Variants in NPR2 observed in about 807,000 individuals in gnomAD.
NPR2 encodes the protein atrial natriuretic peptide receptor 2.
In NPR2, 49 loss-of-function variants were observed where a neutral mutation model predicts 120.7. The observed-to-expected ratio is 0.41, with a 90% CI of 0.32 to 0.52. The LOEUF is 0.52. Among genes scored for constraint, NPR2 ranks in the 20% least tolerant of loss-of-function variants. NPR2 has a pLI of 0.36. For synonymous variants in NPR2, 484 were observed against 519.8 expected (o/e 0.93, Z 0.94); for missense variants, 931 against 1,362.9 (o/e 0.68, Z 4.99).
At chr9:35,807,288 T>C (rs1424230022) in intron 17 of NPR2, 42 bp from the exon 18 acceptor site, 1 of 1,554,874 alleles carries the variant, frequency 6.4e-7, no homozygotes, top group Non-Finnish European at 8.9e-7. Context: ...CTTAGAAAAT[T>C]GGGCACAAGT....
Position 35,793,052 on chromosome 9 carries a change from A to G in NPR2, c.644A>G (p.His215Arg). 2 of 1,602,528 alleles carry G rather than the reference A, an allele frequency of 1.2e-6. No homozygotes were observed. Among genetic ancestry groups the G allele is most frequent in the Non-Finnish European group, 1.7e-6 (2 of 1,175,090 alleles). The change falls in exon 1 of 22, where the codon CAC (histidine) becomes CGC (arginine). Residue 215 changes from histidine to arginine, a missense_variant. Physicochemically the swap from His to Arg is conservative, Grantham distance 29 (BLOSUM62 0). This residue lies in a region of NPR2 where 681 missense variants were observed against 974.3 expected (regional missense o/e 0.70). Coordinates refer to ENST00000342694, the MANE Select transcript of NPR2 (RefSeq NM_003995.4). Reference protein sequence around the residue: ...REPGGPEQATHFIRANGRIVY... With the variant: ...REPGGPEQATRFIRANGRIVY... ...CCAGGGGGCCCCGAGCAGGCCACCC[A>G]CTTCATCCGGGCCAACGGGCGCAGT... is the stretch of plus-strand genomic sequence containing the variant.
chr9:35,801,848 G>A lies in NPR2; in HGVS notation c.1558-78G>A, dbSNP rs1588060427. 11 of 1,603,722 alleles carry A rather than the reference G, an allele frequency of 6.9e-6. No homozygotes were observed. In the South Asian group the frequency reaches 9.9e-5, roughly 14 times the overall value. ...TGGATCTCTCCCAGCACATTGGCTT[G>A]TAATGATAGCCCCTGCACTACCACC... On this transcript the variant is annotated intron_variant, in intron 8 of 21. Transcript: ENST00000342694.
At position 35,809,184 on chromosome 9, in the gene NPR2, C is replaced by G. The variant is rs934660300; in HGVS notation, c.3015C>G (p.Thr1005=). The change falls in exon 21 of 22, where the codon ACC becomes ACG. Residue 1005 remains threonine, a synonymous_variant. Coordinates refer to ENST00000342694, the MANE Select transcript of NPR2 (RefSeq NM_003995.4). This position sits in a 1 kb window ranked among gnomAD's most constrained non-coding sequence, Gnocchi z 4.1. ...TGAAGATCCATGTCTCCTCTACCAC[C>G]AAGGATGCCCTAGATGAGCTAGGAT... ...QALKIHVSST[T]KDALDELGCF... 1.9e-6 allele frequency: 3 copies of G among 1,613,880 alleles called. No individual in the cohort carries two copies. The highest frequency in any genetic ancestry group is 2.7e-5 in the African/African-American group (2 of 74,878).
chr9:35,806,364 C>T lies in NPR2; in HGVS notation c.2373-28C>T, dbSNP rs1028686349. On this transcript the variant is annotated intron_variant, in intron 15 of 21. Coordinates refer to ENST00000342694, the MANE Select transcript of NPR2 (RefSeq NM_003995.4). This position sits in a 1 kb window ranked among gnomAD's most constrained non-coding sequence, Gnocchi z 4.6. ...CCTGGGAATCTTCAGAATCTTAGAGCAAGTGCCTTATCCTGGCCTCCCTCT... is the reference window on the plus strand; with the variant it reads ...CCTGGGAATCTTCAGAATCTTAGAGTAAGTGCCTTATCCTGGCCTCCCTCT... 6.2e-7 allele frequency: 1 copy of T among 1,612,790 alleles called. No homozygotes were observed. Among genetic ancestry groups the T allele is most frequent in the Non-Finnish European group, 8.5e-7 (1 of 1,178,908 alleles).
Position 35,807,647 on chromosome 9 carries a change from A to G in NPR2, c.2712+249A>G, listed in dbSNP as rs13294295. Among the ~76,000 whole-genome samples, 41,947 of 152,140 alleles carry G rather than the reference A, an allele frequency of 0.28. 6,847 individuals carry two copies. The highest frequency in any genetic ancestry group is 0.45 in the African/African-American group (18,745 of 41,464). ...AGAACCATCATGAGATTTAGCTCCT[A>G]TCTTCCTGGAGTATAAATACAGCCT... On this transcript the variant is annotated intron_variant, in intron 18 of 21. Transcript: ENST00000342694.
At position 35,803,406 on chromosome 9, in the gene NPR2, A is replaced by G; in HGVS notation, c.1887+603A>G. ...GGCGTGAGCCACCGCGCCCGGCCTGAACATATTTATCTCTTGTTTTTCCTC... is the reference window on the plus strand; with the variant it reads ...GGCGTGAGCCACCGCGCCCGGCCTGGACATATTTATCTCTTGTTTTTCCTC... On this transcript the variant is annotated intron_variant, in intron 12 of 21. Transcript: ENST00000342694. Among the ~76,000 whole-genome samples, 2 of 152,154 alleles carry G rather than the reference A, an allele frequency of 1.3e-5. 1 individual carries two copies. The highest frequency in any genetic ancestry group is 2.9e-5 in the Non-Finnish European group (2 of 68,026).
Position 35,806,004 on chromosome 9 carries a change from C to A in NPR2, c.2203+19C>A. The A allele has an allele frequency of 6.2e-7, 1 of 1,614,186 alleles. No homozygotes were observed. The highest frequency in any genetic ancestry group is 2.2e-5 in the East Asian group (1 of 44,884). On this transcript the variant is annotated intron_variant, in intron 14 of 21. Transcript: ENST00000342694. The surrounding 1 kb of genome is among the most constrained non-coding windows in gnomAD (Gnocchi z 4.6). ...CCCAAAGGTAAGAGTCAATCCACTA[C>A]CCACAGCCTCTTCTTCCTGGGGGAA...
chr9:35,798,429 G>T (rs2132075185), intron 2 of NPR2, among the ~76,000 whole-genome samples: 1 of 152,264 alleles, frequency 6.6e-6, no homozygotes. Context: ...TAAGAATAAT[G>T]ATATCTTGAG....
At position 35,808,642 on chromosome 9, in the gene NPR2, G is replaced by A. The variant is rs1828563256; in HGVS notation, c.2846G>A (p.Arg949Gln). 2 of 1,613,810 alleles carry A rather than the reference G, an allele frequency of 1.2e-6. No individual in the cohort carries two copies. The highest frequency in any genetic ancestry group is 2.2e-5 in the East Asian group (1 of 44,870). ...DAVSSFRIRH[R>Q]PHDQLRLRIG... ...GTTTCTTCCTTTCGCATCCGCCACC[G>A]ACCCCATGACCAGCTGAGGCTACGC... The change falls in exon 19 of 22, where the codon CGA becomes CAA. Residue 949 changes from arginine (R) to glutamine (Q), a missense_variant. Physicochemically the swap from Arg to Gln is conservative, Grantham distance 43 (BLOSUM62 1). Coordinates refer to ENST00000342694, the MANE Select transcript of NPR2 (RefSeq NM_003995.4). The surrounding 1 kb of genome is among the most constrained non-coding windows in gnomAD (Gnocchi z 4.0).
At position 35,805,762 on chromosome 9, in the gene NPR2, G is replaced by A. The variant is rs1306927778; in HGVS notation, c.2048-68G>A. 2.0e-5 allele frequency: 32 copies of A among 1,606,984 alleles called. No homozygotes were observed. Among genetic ancestry groups the A allele is most frequent in the Non-Finnish European group, 2.7e-5 (32 of 1,174,416 alleles). On this transcript the variant is annotated intron_variant, in intron 13 of 21. Transcript: ENST00000342694. The surrounding 1 kb of genome is among the most constrained non-coding windows in gnomAD (Gnocchi z 4.9). Reference sequence around the variant, plus strand: ...GGAGGTGGAGTGACAGTAATATAGGGATGAGCCCAGGTGGGCTTGGGGGTG... The same window carrying A: ...GGAGGTGGAGTGACAGTAATATAGGAATGAGCCCAGGTGGGCTTGGGGGTG...
In NPR2 at chr9:35,808,366, A is replaced by G. The variant is rs1828536485; in HGVS notation, c.2713-143A>G. ...ACATCTCCTCTCCCCTAGACTCAGGACCATGGCACTTATTTTCTAGTCAAT... is the reference window on the plus strand; with the variant it reads ...ACATCTCCTCTCCCCTAGACTCAGGGCCATGGCACTTATTTTCTAGTCAAT... On this transcript the variant is annotated intron_variant, in intron 18 of 21. Coordinates refer to ENST00000342694, the MANE Select transcript of NPR2 (RefSeq NM_003995.4). The surrounding 1 kb of genome is among the most constrained non-coding windows in gnomAD (Gnocchi z 4.0). 7.1e-7 allele frequency: 1 copy of G among 1,414,858 alleles called. No individual in the cohort carries two copies. 87.6% of individuals were successfully genotyped at this position (1,414,858 alleles called of 1,614,324 possible).
At chr9:35,796,878 C>A (rs1298463212) in intron 2 of NPR2, among the ~76,000 whole-genome samples, 1 of 152,214 alleles carries the variant, frequency 6.6e-6, no homozygotes, top group East Asian at 1.9e-4. Context: ...CCCAGAGACA[C>A]TGGCCCTCTG....
intron 1 of NPR2, among the ~76,000 whole-genome samples, chr9:35,793,417 C>A (rs1018434537): frequency 6.6e-6 from 1 of 152,166 alleles, no homozygotes; most frequent in Non-Finnish European, 1.5e-5. Context: ...TGTGCCCTGT[C>A]TGTGATCAGA....
chr9:35,796,925 T>G (rs1827962834), intron 2 of NPR2, among the ~76,000 whole-genome samples: 1 of 151,994 alleles, frequency 6.6e-6, no homozygotes, highest in African/African-American at 2.4e-5. Context: ...AAGGTGGCAA[T>G]AGAGGAAAGG....
In NPR2 at chr9:35,807,330, G is replaced by A. The variant is rs55700371; in HGVS notation, c.2644G>A (p.Val882Ile). ...GCCTCTGCTTTTCTATCCCTTTTAG[G>A]TAGTGACACTTCTTAATGACCTGTA... ...ALSAESTPMQ[V>I]VTLLNDLYTC... The change falls in exon 18 of 22, where the codon GTA becomes ATA. Residue 882 changes from valine (V) to isoleucine (I), a missense_variant and splice_region_variant. Transcript: ENST00000342694. The A allele has an allele frequency of 1.8e-4, 289 of 1,612,400 alleles. No individual in the cohort carries two copies. The highest frequency in any genetic ancestry group is 3.2e-4 in the Admixed American group (19 of 60,000).
At position 35,792,243 on chromosome 9, in the gene NPR2, C is replaced by T. The variant is rs372213902; in HGVS notation, c.-166C>T. On this transcript the variant is annotated 5_prime_UTR_variant, in exon 1 of 22. Transcript: ENST00000342694. ...GCCCCCCGCCTTCCTCCCATCTCCC[C>T]CTCCTCTCCCCGGCCCCCAGCACCT... 1.3e-5 allele frequency: 9 copies of T among 692,050 alleles called. No homozygotes were observed. The highest frequency in any genetic ancestry group is 2.9e-5 in the Admixed American group (1 of 34,192). The allele number at this position is 692,050 out of a possible 1,614,324, so 42.9% of individuals were successfully genotyped here. A position where few individuals can be genotyped will look rare whatever the true frequency, so the allele number is the denominator to read the frequency against.
intron 3 of NPR2, 117 bp from the exon 4 acceptor site, chr9:35,799,905 G>A (rs1828080277): frequency 2.0e-6 from 3 of 1,506,484 alleles, no homozygotes; most frequent in Admixed American, 3.3e-5. Flanking sequence ...TGGCACTTTA[G>A]GAATAAGAGG....
intron 6 of NPR2, 37 bp from the exon 7 acceptor site, chr9:35,801,033 C>G (rs1828132639): frequency 6.3e-7 from 1 of 1,586,942 alleles, no homozygotes; most frequent in African/African-American, 1.3e-5. Context: ...GCCAAGTCCG[C>G]ACACAGTCTT....
chr9:35,794,140 G>A (rs1180521192), intron 2 of NPR2, 37 bp downstream of exon 2: 1 of 1,585,920 alleles, frequency 6.3e-7, no homozygotes, highest in Non-Finnish European at 8.6e-7. Flanking sequence ...GGAGGGGGAA[G>A]AGGTGCTTCG....
Sources: gnomAD v4.1 joint callset for allele counts (sites outside exome capture counted in the v4.1 genomes callset) on GRCh38, gnomAD v4.1.1 for gene constraint, gnomAD v4.1.1 regional missense constraint, Gnocchi (gnomAD v3.1) non-coding constraint, MANE v1.5 for transcripts, NCBI Gene and HGNC (gene_info 2026-07-23, HGNC 2026-07-21) for gene names.